MAGI2: variants seen among roughly 807,000 people sequenced by gnomAD.
The protein encoded by MAGI2 is membrane associated guanylate kinase, WW and PDZ domain containing 2.
Under a neutral mutation model 133.3 loss-of-function variants are expected in MAGI2, and 35 were observed. That is an observed-to-expected ratio of 0.26 (90% CI 0.20 to 0.35). The LOEUF is 0.35. Among genes scored for constraint, MAGI2 ranks in the 10% least tolerant of loss-of-function variants. The probability of loss-of-function intolerance (pLI) is 1.00; values close to 1 mark genes in which losing one functional copy is unlikely to be tolerated. For synonymous variants in MAGI2, 729 were observed against 710.6 expected (o/e 1.03, Z -0.41); for missense variants, 1,636 against 1,863.4 (o/e 0.88, Z 2.25).
At chr7:79,072,822 C>T (rs1297470533) in intron 1 of MAGI2, among the ~76,000 whole-genome samples, 1 of 152,112 alleles carries the variant, frequency 6.6e-6, no homozygotes, top group Non-Finnish European at 1.5e-5. Flanking sequence ...AGCAGAAATG[C>T]TTTGTAAAAC....
intron 2 of MAGI2, among the ~76,000 whole-genome samples, chr7:78,938,193 A>G (rs2151672572): frequency 6.6e-6 from 1 of 152,212 alleles, no homozygotes; most frequent in East Asian, 1.9e-4. Flanking sequence ...GACTTGTACA[A>G]AGGAAAAACT....
In MAGI2 at chr7:78,771,671, A is replaced by G. The variant is rs554557177; in HGVS notation, c.419-144432T>C. 5.9e-5 allele frequency among the ~76,000 whole-genome samples: 9 copies of G among 152,308 alleles called. 1 individual carries two copies. Among genetic ancestry groups the G allele is most frequent in the Middle Eastern group, 3.4e-3 (1 of 294 alleles). ...CCTTTCAAGGGTCAAAGAATCAGTC[A>G]TTTTACTACTTACACACTTTTTCAA... is the stretch of plus-strand genomic sequence containing the variant. On this transcript the variant is annotated intron_variant, in intron 2 of 21. Transcript: ENST00000354212.
At chr7:79,113,150 G>C (rs766315877) in intron 1 of MAGI2, among the ~76,000 whole-genome samples, 15 of 152,264 alleles carry the variant, frequency 9.9e-5, no homozygotes, top group East Asian at 5.8e-4. Context: ...ATATCTGAGA[G>C]TTCCTTTAAA....
At chr7:78,267,236 G>C (rs776010996) in intron 9 of MAGI2, among the ~76,000 whole-genome samples, 7 of 152,188 alleles carry the variant, frequency 4.6e-5, no homozygotes, top group South Asian at 4.1e-4. Flanking sequence ...AGGGCTGCCA[G>C]AATATTTCTC....
chr7:78,080,118 A>G (rs1435891119), intron 20 of MAGI2, among the ~76,000 whole-genome samples: 1 of 152,236 alleles, frequency 6.6e-6, no homozygotes, highest in Non-Finnish European at 1.5e-5. Context: ...GGCTGAGAAT[A>G]GGAACACAAA....
rs1273336590 is a variant in MAGI2, at chr7:79,331,663, A to G, written c.301+121357T>C. Among the ~76,000 whole-genome samples, 3 of 152,160 alleles carry G rather than the reference A, an allele frequency of 2.0e-5. No homozygotes were observed. In the East Asian group the frequency reaches 5.8e-4, roughly 29 times the overall value. On this transcript the variant is annotated intron_variant, in intron 1 of 21. Coordinates refer to ENST00000354212, the MANE Select transcript of MAGI2 (RefSeq NM_012301.4). ...TGATTGGCCTCACAATGATTCATGGATCTTTTGATTTTGCCATTTGGAAGG... is the reference window on the plus strand; with the variant it reads ...TGATTGGCCTCACAATGATTCATGGGTCTTTTGATTTTGCCATTTGGAAGG...
At chr7:79,225,150 C>T (rs565353767) in intron 1 of MAGI2, among the ~76,000 whole-genome samples, 44 of 152,170 alleles carry the variant, frequency 2.9e-4, no homozygotes, top group Middle Eastern at 3.2e-3. Flanking sequence ...AGGCTGTGGG[C>T]TTCTCCTCTG....
intron 6 of MAGI2, among the ~76,000 whole-genome samples, chr7:78,475,713 A>G (rs1021585011): frequency 1.3e-5 from 2 of 151,926 alleles, no homozygotes; most frequent in Non-Finnish European, 2.9e-5. Context: ...GGAAGGAAAA[A>G]GAGAGTCATC....
At chr7:78,810,801 A>C (rs1363463079) in intron 2 of MAGI2, among the ~76,000 whole-genome samples, 1 of 152,108 alleles carries the variant, frequency 6.6e-6, no homozygotes, top group Non-Finnish European at 1.5e-5. Context: ...CTAAACTCAT[A>C]GTAATGTCAT....
rs145993518 is a variant in MAGI2, at chr7:79,239,067, A to G, written c.301+213953T>C. Reference sequence around the variant, plus strand: ...TCTAAGTGGGAGATACAAATCTCACATACACCTGACAGCTATGCACTTGCA... The same window carrying G: ...TCTAAGTGGGAGATACAAATCTCACGTACACCTGACAGCTATGCACTTGCA... On this transcript the variant is annotated intron_variant, in intron 1 of 21. Transcript: ENST00000354212. 5.3e-4 allele frequency among the ~76,000 whole-genome samples: 80 copies of G among 152,300 alleles called. 1 individual carries two copies. The highest frequency in any genetic ancestry group is 1.9e-3 in the African/African-American group (79 of 41,580).
rs148184249 is a variant in MAGI2 at position 78,681,427 on chromosome 7, G to T, written c.419-54188C>A. On this transcript the variant is annotated intron_variant, in intron 2 of 21. Transcript: ENST00000354212. ...TACTATTACCCAGCAGATTCTGTTT[G>T]CCATTTTTATATATTACACAACCAT... 1.6e-4 allele frequency among the ~76,000 whole-genome samples: 24 copies of T among 152,158 alleles called. No homozygotes were observed. In the East Asian group the frequency reaches 3.3e-3, roughly 21 times the overall value.
chr7:78,994,577 G>T (rs1372071692), intron 2 of MAGI2, among the ~76,000 whole-genome samples: 4 of 152,104 alleles, frequency 2.6e-5, no homozygotes, highest in African/African-American at 9.7e-5. Flanking sequence ...AACTGTCAGA[G>T]AAACCAGACC....
At chr7:78,309,375 AT>A (rs1316889484) in intron 9 of MAGI2, among the ~76,000 whole-genome samples, 1 of 152,222 alleles carries the variant, frequency 6.6e-6, no homozygotes, top group Non-Finnish European at 1.5e-5. Context: ...GAATTACGTA[AT>A]TTCCTTTGCA....
rs767184815 is a variant in MAGI2 at position 78,185,696 on chromosome 7, G to T, written c.2270-26C>A. 8 of 1,540,168 alleles carry T rather than the reference G, an allele frequency of 5.2e-6. No individual in the cohort carries two copies. In the East Asian group the frequency reaches 1.6e-4, roughly 31 times the overall value. ...CTGGATGGGAAAATGGGGAATTAAA[G>T]TTGAAATTCATTTATGGCATTTTAA... On this transcript the variant is annotated intron_variant, in intron 12 of 21. Transcript: ENST00000354212.
At chr7:78,857,213 C>T (rs1039343799) in intron 2 of MAGI2, among the ~76,000 whole-genome samples, 1 of 152,184 alleles carries the variant, frequency 6.6e-6, no homozygotes, top group Non-Finnish European at 1.5e-5. Context: ...GACAATTTGA[C>T]TCTGTCTTTT....
chr7:79,346,356 T>G (rs1439908370), intron 1 of MAGI2, among the ~76,000 whole-genome samples: 1 of 152,054 alleles, frequency 6.6e-6, no homozygotes, highest in East Asian at 1.9e-4. Context: ...GGTTTTGTTT[T>G]CAGAGTATAA....
chr7:79,171,752 A>G (rs1375025025), intron 1 of MAGI2, among the ~76,000 whole-genome samples: 3 of 29,180 alleles, frequency 1.0e-4, no homozygotes, highest in African/African-American at 2.4e-4. Flanking sequence ...AAATATATAT[A>G]TATATATATA....
chr7:78,803,125 A>T (rs1400332139), intron 2 of MAGI2, among the ~76,000 whole-genome samples: 3 of 152,176 alleles, frequency 2.0e-5, no homozygotes, highest in African/African-American at 7.2e-5. Flanking sequence ...TTCAATTTAC[A>T]TGTGCGATTT....
intron 2 of MAGI2, among the ~76,000 whole-genome samples, chr7:78,930,533 T>G (rs72612604): frequency 0.084 from 12,811 of 151,972 alleles, 1,162 homozygotes; most frequent in African/African-American, 0.2. Flanking sequence ...TCTTTTCAAA[T>G]CCCCAACAAA....
Sources: allele counts gnomAD v4.1 joint callset (sites outside exome capture counted in the v4.1 genomes callset), GRCh38; gene constraint gnomAD v4.1.1; transcripts MANE v1.5; gene names NCBI Gene and HGNC (gene_info 2026-07-23, HGNC 2026-07-21).